Variants in LDLRAD4 observed in about 807,000 individuals in gnomAD.
LDLRAD4 encodes the protein low-density lipoprotein receptor class A domain-containing protein 4.
LDLRAD4 carries 5 observed loss-of-function variants against 17.0 expected under a neutral mutation model. The ratio of observed to expected loss-of-function variants is 0.29; its 90% CI spans 0.15 to 0.62. LDLRAD4 has a LOEUF of 0.62. Among genes scored for constraint, LDLRAD4 ranks in the 20% least tolerant of loss-of-function variants. The probability of loss-of-function intolerance (pLI) is 0.84; values close to 1 mark genes in which losing one functional copy is unlikely to be tolerated. For synonymous variants in LDLRAD4, 168 were observed against 171.8 expected (o/e 0.98, Z 0.17); for missense variants, 340 against 424.7 (o/e 0.80, Z 1.75).
intron 3 of LDLRAD4, among the ~76,000 whole-genome samples, chr18:13,513,751 G>T (rs1174733431): frequency 2.0e-5 from 3 of 152,192 alleles, no homozygotes; most frequent in Admixed American, 2.0e-4. Flanking sequence ...TGGAACACCT[G>T]TCAGGCCAAG....
chr18:13,277,201 C>T (rs960806747), upstream of LDLRAD4, among the ~76,000 whole-genome samples: 1 of 152,140 alleles, frequency 6.6e-6, no homozygotes, highest in Non-Finnish European at 1.5e-5. Context: ...ATGGCAGGAG[C>T]ACGCTTTGGG....
chr18:13,366,722 C>A (rs2084082122), intron 1 of LDLRAD4, among the ~76,000 whole-genome samples: 1 of 152,188 alleles, frequency 6.6e-6, no homozygotes, highest in African/African-American at 2.4e-5. Context: ...AGGGTGTTAG[C>A]TGCTGCAGTC....
chr18:13,491,096 C>T (rs990515504), intron 3 of LDLRAD4: 3 of 152,266 alleles, frequency 2.0e-5, no homozygotes, highest in Non-Finnish European at 4.4e-5. Flanking sequence ...GACCCACCCT[C>T]ATGGGAAAGG....
chr18:13,335,017 T>C (rs1390275043), intron 1 of LDLRAD4, among the ~76,000 whole-genome samples: 1 of 152,250 alleles, frequency 6.6e-6, no homozygotes, highest in African/African-American at 2.4e-5. Context: ...TTCTGTCTTA[T>C]AGTTTTCAAG....
intron 2 of LDLRAD4, among the ~76,000 whole-genome samples, chr18:13,400,530 T>C (rs2145498045): frequency 6.6e-6 from 1 of 152,240 alleles, no homozygotes; most frequent in South Asian, 2.1e-4. Flanking sequence ...CGTGCACACA[T>C]GAGCAGCCCT....
chr18:13,349,072 C>T (rs1345422711), intron 1 of LDLRAD4, among the ~76,000 whole-genome samples: 1 of 152,208 alleles, frequency 6.6e-6, no homozygotes, highest in East Asian at 1.9e-4. Flanking sequence ...GTGCGCTGCC[C>T]CCACTGTCCT....
chr18:13,378,267 C>T (rs917043297), intron 1 of LDLRAD4, among the ~76,000 whole-genome samples: 3 of 152,184 alleles, frequency 2.0e-5, no homozygotes, highest in Non-Finnish European at 4.4e-5. Flanking sequence ...CCTGAGTTCC[C>T]TGCACTCTGT....
chr18:13,269,854 A>G (rs1027042608), intron 1 of LDLRAD4, among the ~76,000 whole-genome samples: 2 of 152,102 alleles, frequency 1.3e-5, no homozygotes, highest in Admixed American at 6.5e-5. Context: ...TCTGTCCTCC[A>G]TCCTCCCATG....
rs373742466 is a variant in LDLRAD4, at chr18:13,228,942, A to G, written c.-467+9954A>G. Among the ~76,000 whole-genome samples, 550 of 152,356 alleles carry G rather than the reference A, an allele frequency of 3.6e-3. 9 individuals carry two copies. Among genetic ancestry groups the G allele is most frequent in the African/African-American group, 0.011 (473 of 41,586 alleles). ...AGTTGAACTTGGAATGAAGCGGAGC[A>G]GTTGTTATCTGATGGACTCTTGGTG... On this transcript the variant is annotated intron_variant, in intron 1 of 5. Transcript: ENST00000399848.
Position 13,644,567 on chromosome 18 carries a change from C to CAA in LDLRAD4, c.391-547_391-546dup, listed in dbSNP as rs34551820. Among the ~76,000 whole-genome samples the CAA allele has an allele frequency of 5.2e-3, 709 of 136,646 alleles. 7 individuals are homozygous for CAA. Among genetic ancestry groups the CAA allele is most frequent in the African/African-American group, 0.015 (577 of 37,726 alleles). The allele number at this position is 136,646 out of a possible 152,430, so 89.6% of individuals were successfully genotyped here. A position where few individuals can be genotyped will look rare whatever the true frequency, so the allele number is the denominator to read the frequency against. ...TAGGTGACAGAGCCAGACCCTGTCT[C>CAA]AAAAAAAAAAAAAATTAAGATAAAA... is the stretch of plus-strand genomic sequence containing the variant. On this transcript the variant is annotated intron_variant, in intron 5 of 5. Coordinates refer to ENST00000359446, the Ensembl canonical transcript of LDLRAD4.
In LDLRAD4 at chr18:13,645,181, A is replaced by C. The variant is rs1297013188; in HGVS notation, c.445A>C (p.Arg149=). ...GTTCACAGCGCCGTCCTTCATCCAGAGGGATCGCTTCAGCCGCTTCCAGCC... is the reference window on the plus strand; with the variant it reads ...GTTCACAGCGCCGTCCTTCATCCAGCGGGATCGCTTCAGCCGCTTCCAGCC... Residue 149 remains arginine, a synonymous_variant, in exon 6 of 6, where the codon AGG becomes CGG. Transcript: ENST00000359446. The surrounding 1 kb of genome is among the most constrained non-coding windows in gnomAD (Gnocchi z 5.7). 1 of 1,613,902 alleles carries C rather than the reference A, an allele frequency of 6.2e-7. No homozygotes were observed. The highest frequency in any genetic ancestry group is 2.2e-5 in the East Asian group (1 of 44,876).
chr18:13,231,230 G>A (rs960932484), intron 1 of LDLRAD4, among the ~76,000 whole-genome samples: 3 of 152,202 alleles, frequency 2.0e-5, no homozygotes, highest in African/African-American at 7.2e-5. Flanking sequence ...AGGGAGAAGG[G>A]CAAGAGGGGT....
intron 1 of LDLRAD4, among the ~76,000 whole-genome samples, chr18:13,249,887 C>A (rs556293662): frequency 2.3e-4 from 35 of 152,262 alleles, no homozygotes; most frequent in African/African-American, 8.4e-4. Flanking sequence ...TAGTGTCTTA[C>A]ATTTAGGTCT....
At chr18:13,373,116 A>AGCTCAC (rs1451458050) in intron 1 of LDLRAD4, among the ~76,000 whole-genome samples, 1 of 151,774 alleles carries the variant, frequency 6.6e-6, no homozygotes, top group Non-Finnish European at 1.5e-5. Flanking sequence ...AACTCTTAAC[A>AGCTCAC]GCTCACACTC....
chr18:13,370,785 A>G (rs1410561211), intron 1 of LDLRAD4, among the ~76,000 whole-genome samples: 1 of 134,504 alleles, frequency 7.4e-6, no homozygotes, highest in Non-Finnish European at 1.5e-5. Flanking sequence ...ATCTTGGCTC[A>G]CTGAAACCTC....
intron 3 of LDLRAD4, among the ~76,000 whole-genome samples, chr18:13,481,676 A>C (rs892349740): frequency 6.6e-6 from 1 of 150,512 alleles, no homozygotes; most frequent in Non-Finnish European, 1.5e-5. Flanking sequence ...TTCATTCAAC[A>C]GGCGTTTATC....
rs377103021 is a variant in LDLRAD4, at chr18:13,224,723, G to A, written c.-467+5735G>A. Among the ~76,000 whole-genome samples, 1,078 of 151,418 alleles carry A rather than the reference G, an allele frequency of 7.1e-3. 18 individuals are homozygous for A. The highest frequency in any genetic ancestry group is 0.025 in the African/African-American group (1,047 of 41,266). On this transcript the variant is annotated intron_variant, in intron 1 of 5. Coordinates refer to the LDLRAD4 transcript ENST00000399848. ...TCTTGATCTCCTGACCTCATGATCC[G>A]CCCGTCTTGGCCTCCCAAAGTGCTG... is the stretch of plus-strand genomic sequence containing the variant.
intron 1 of LDLRAD4, among the ~76,000 whole-genome samples, chr18:13,294,478 G>C (rs1387282478): frequency 6.6e-6 from 1 of 152,246 alleles, no homozygotes; most frequent in Non-Finnish European, 1.5e-5. Flanking sequence ...AGAAGAGTGA[G>C]TTACGTCTTT....
intron 5 of LDLRAD4, 52 bp downstream of exon 6, chr18:13,643,464 G>GGGGGGCCC: frequency 6.9e-6 from 2 of 288,990 alleles, no homozygotes; most frequent in East Asian, 1.1e-4. Context: ...GGTGGGTGGG[G>GGGGGGCCC]ATGAAGGGGG....
Sources: allele counts gnomAD v4.1 joint callset (sites outside exome capture counted in the v4.1 genomes callset), GRCh38; gene constraint gnomAD v4.1.1; non-coding constraint Gnocchi (gnomAD v3.1); transcripts MANE v1.5; gene names NCBI Gene and HGNC (gene_info 2026-07-23, HGNC 2026-07-21).